RHOJ: variants seen among roughly 807,000 people sequenced by gnomAD.
The protein encoded by RHOJ is ras homolog family member J.
A neutral mutation model predicts 23.4 loss-of-function variants in RHOJ; 11 were observed. The ratio of observed to expected loss-of-function variants is 0.47; its 90% CI spans 0.30 to 0.78. The LOEUF (loss-of-function observed/expected upper bound fraction) is 0.78. Among genes scored for constraint, RHOJ ranks in the 30% least tolerant of loss-of-function variants. RHOJ has a pLI of 0.08. For missense variants in RHOJ, 254 were observed against 273.4 expected (o/e 0.93, Z 0.50); for synonymous variants, 102 against 102.7 (o/e 0.99, Z 0.04).
chr14:63,207,398 C>T (rs1894137065), intron 1 of RHOJ, among the ~76,000 whole-genome samples: 1 of 152,202 alleles, frequency 6.6e-6, no homozygotes, highest in Admixed American at 6.5e-5. Context: ...TTTACCACCA[C>T]TCTCCTGGTA....
chr14:63,225,682 A>G (rs564556989), intron 1 of RHOJ, among the ~76,000 whole-genome samples: 3 of 152,224 alleles, frequency 2.0e-5, no homozygotes, highest in Non-Finnish European at 4.4e-5. Flanking sequence ...AAGGATGCCA[A>G]AAAAACAACA....
intron 2 of RHOJ, among the ~76,000 whole-genome samples, chr14:63,275,310 AAAAC>A (rs993298402): frequency 2.8e-4 from 42 of 152,286 alleles, no homozygotes; most frequent in Admixed American, 1.6e-3. Context: ...ACCCAATCTC[AAAAC>A]AAACAAACAA....
chr14:63,240,704 C>T (rs1894868102), intron 1 of RHOJ, among the ~76,000 whole-genome samples: 1 of 152,148 alleles, frequency 6.6e-6, no homozygotes, highest in Non-Finnish European at 1.5e-5. Context: ...GTTATTAAAT[C>T]ACACAATAGA....
chr14:63,253,424 G>T (rs962237043), intron 1 of RHOJ, among the ~76,000 whole-genome samples: 10 of 151,644 alleles, frequency 6.6e-5, no homozygotes, highest in African/African-American at 2.4e-4. Flanking sequence ...TAGAGATGGG[G>T]TTTCACTATG....
intron 1 of RHOJ, among the ~76,000 whole-genome samples, chr14:63,256,962 C>T (rs1207684397): frequency 6.6e-6 from 1 of 152,060 alleles, no homozygotes; most frequent in Non-Finnish European, 1.5e-5. Flanking sequence ...GTCCCAGCTA[C>T]TCAGGAGTCT....
intron 1 of RHOJ, among the ~76,000 whole-genome samples, chr14:63,236,536 CA>C (rs1555345961): frequency 6.6e-6 from 1 of 152,166 alleles, no homozygotes; most frequent in Non-Finnish European, 1.5e-5. Context: ...TCATGAGACT[CA>C]TTCAACACCA....
At chr14:63,243,672 G>A (rs1894924933) in intron 1 of RHOJ, among the ~76,000 whole-genome samples, 1 of 152,090 alleles carries the variant, frequency 6.6e-6, no homozygotes. Context: ...CCAAAGAGGA[G>A]TTAACCCCAT....
intron 1 of RHOJ, among the ~76,000 whole-genome samples, chr14:63,250,630 T>A (rs1188072136): frequency 6.6e-6 from 1 of 152,164 alleles, no homozygotes; most frequent in Non-Finnish European, 1.5e-5. Flanking sequence ...ACACCAGGAC[T>A]TTTTTCCACT....
intron 2 of RHOJ, among the ~76,000 whole-genome samples, chr14:63,272,597 G>A (rs8012345): frequency 0.066 from 10,001 of 152,186 alleles, 1,104 homozygotes; most frequent in African/African-American, 0.23. Context: ...CAATGTCAGC[G>A]CTAAACAAAA....
At chr14:63,290,725 GAAA>G (rs368436257) in intron 4 of RHOJ, among the ~76,000 whole-genome samples, 150 bp from the exon 5 acceptor site, 1 of 125,810 alleles carries the variant, frequency 7.9e-6, no homozygotes, top group Non-Finnish European at 1.7e-5. Flanking sequence ...AATTGAAATG[GAAA>G]AAAAAAAAAA....
intron 1 of RHOJ, among the ~76,000 whole-genome samples, chr14:63,235,796 T>C (rs985565003): frequency 5.3e-5 from 8 of 152,334 alleles, no homozygotes; most frequent in African/African-American, 1.9e-4. Flanking sequence ...CATTATTAAC[T>C]CCAGAACTGT....
chr14:63,239,229 A>T (rs1244858397), intron 1 of RHOJ, among the ~76,000 whole-genome samples: 1 of 152,154 alleles, frequency 6.6e-6, no homozygotes, highest in East Asian at 1.9e-4. Flanking sequence ...CTCCTGCTTC[A>T]GCCTCCTGAG....
At chr14:63,282,028 T>C (rs1881919343) in intron 3 of RHOJ, among the ~76,000 whole-genome samples, 1 of 152,230 alleles carries the variant, frequency 6.6e-6, no homozygotes. Flanking sequence ...TAGATGTATT[T>C]ACTTAGAGAA....
Position 63,290,864 on chromosome 14 carries a change from C to G in RHOJ, c.499-14C>G, listed in dbSNP as rs564705586. The G allele has an allele frequency of 4.4e-6, 7 of 1,599,632 alleles. No homozygotes were observed. The highest frequency in any genetic ancestry group is 1.1e-5 in the South Asian group (1 of 88,216). The stretch of plus-strand genomic sequence containing the variant: ...TTTTTTATCTCTCATGCCTTTCTCT[C>G]TTTTGTGTTTAAGATCGGAGCACAG... On this transcript the variant is annotated splice_polypyrimidine_tract_variant and intron_variant, in intron 4 of 4. Coordinates refer to ENST00000316754, the MANE Select transcript of RHOJ (RefSeq NM_020663.5).
rs774370787 is a variant in RHOJ, at chr14:63,205,066, C to G, written c.178+19C>G. ...TATGCAGGTAAGAAAAAGTGGGAAA[C>G]TCTCTGCATCCAGACAAACGATGCA... On this transcript the variant is annotated intron_variant, in intron 1 of 4. Transcript: ENST00000316754. The G allele has an allele frequency of 1.2e-6, 2 of 1,606,230 alleles. No individual in the cohort carries two copies. Among genetic ancestry groups the G allele is most frequent in the Non-Finnish European group, 1.7e-6 (2 of 1,175,368 alleles).
chr14:63,273,726 A>C (rs1895512826), intron 2 of RHOJ, among the ~76,000 whole-genome samples: 1 of 152,244 alleles, frequency 6.6e-6, no homozygotes, highest in Non-Finnish European at 1.5e-5. Context: ...AGCCCTATTC[A>C]GATTGTGGCC....
intron 1 of RHOJ, among the ~76,000 whole-genome samples, chr14:63,205,803 A>G (rs1317003054): frequency 6.6e-6 from 1 of 152,228 alleles, no homozygotes; most frequent in Non-Finnish European, 1.5e-5. Flanking sequence ...CGAGTGTTCT[A>G]AAGTTTGTAG....
intron 1 of RHOJ, among the ~76,000 whole-genome samples, chr14:63,235,772 G>A (rs1393759751): frequency 2.0e-5 from 3 of 152,166 alleles, no homozygotes; most frequent in African/African-American, 4.8e-5. Context: ...TTAGAGATAA[G>A]TCTGTTGGTC....
At position 63,291,646 on chromosome 14, in the gene RHOJ, C is replaced by A; in HGVS notation, c.*622C>A. 1 of 155,310 alleles carries A rather than the reference C, an allele frequency of 6.4e-6. No individual in the cohort carries two copies. Among genetic ancestry groups the A allele is most frequent in the Non-Finnish European group, 1.4e-5 (1 of 69,670 alleles). 9.6% of individuals were successfully genotyped at this position (155,310 alleles called of 1,614,324 possible). On this transcript the variant is annotated 3_prime_UTR_variant, in exon 5 of 5. Coordinates refer to ENST00000316754, the MANE Select transcript of RHOJ (RefSeq NM_020663.5). ...GAACCAACACGTACCTCTGAATGCCCGATTATAAGAAGACATGAGAAGACT... is the reference window on the plus strand; with the variant it reads ...GAACCAACACGTACCTCTGAATGCCAGATTATAAGAAGACATGAGAAGACT...
Sources: allele counts gnomAD v4.1 joint callset (sites outside exome capture counted in the v4.1 genomes callset), GRCh38; gene constraint gnomAD v4.1.1; transcripts MANE v1.5; gene names NCBI Gene and HGNC (gene_info 2026-07-23, HGNC 2026-07-21).